The following IKZF2 variants were observed in gnomAD, a reference collection of about 807,000 sequenced individuals.
The protein encoded by IKZF2 is IKAROS family zinc finger 2, also known as zinc finger protein Helios.
In IKZF2, 15 loss-of-function variants were observed where a neutral mutation model predicts 49.2. The observed-to-expected ratio is 0.30, with a 90% CI of 0.20 to 0.47. The LOEUF is 0.47. Among genes scored for constraint, IKZF2 ranks in the 20% least tolerant of loss-of-function variants. IKZF2 has a pLI of 1.00. For synonymous variants in IKZF2, 227 were observed against 221.4 expected (o/e 1.03, Z -0.23); for missense variants, 567 against 664.6 (o/e 0.85, Z 1.61).
At chr2:213,099,503 C>G (rs1352765830) in intron 4 of IKZF2, among the ~76,000 whole-genome samples, 1 of 152,098 alleles carries the variant, frequency 6.6e-6, no homozygotes, top group Non-Finnish European at 1.5e-5. Flanking sequence ...GTGATGAAGC[C>G]TCATCTTACT....
At chr2:213,065,122 T>C (rs1261180398) in intron 4 of IKZF2, among the ~76,000 whole-genome samples, 3 of 152,070 alleles carry the variant, frequency 2.0e-5, no homozygotes, top group Non-Finnish European at 4.4e-5. Flanking sequence ...CTCTACTTAC[T>C]AGGTTTTTTT....
chr2:213,134,232 G>A (rs1456797242), intron 4 of IKZF2, among the ~76,000 whole-genome samples: 1 of 152,158 alleles, frequency 6.6e-6, no homozygotes, highest in Non-Finnish European at 1.5e-5. Context: ...CATCTCATCT[G>A]CTCAATATCA....
chr2:213,106,954 A>C (rs1014893773), intron 4 of IKZF2, among the ~76,000 whole-genome samples: 1 of 152,220 alleles, frequency 6.6e-6, no homozygotes, highest in Non-Finnish European at 1.5e-5. Context: ...GCCACCCATC[A>C]AGAAAGCCAT....
chr2:213,119,760 A>G (rs2059990609), intron 4 of IKZF2, among the ~76,000 whole-genome samples: 1 of 152,198 alleles, frequency 6.6e-6, no homozygotes, highest in South Asian at 2.1e-4. Flanking sequence ...ACCATCATAT[A>G]TGGATCCCTA....
chr2:213,061,261 A>T (rs1423927921), intron 4 of IKZF2, among the ~76,000 whole-genome samples: 4 of 151,570 alleles, frequency 2.6e-5, no homozygotes, highest in Non-Finnish European at 5.9e-5. Flanking sequence ...CATAATAGTG[A>T]ATGGACAGTT....
chr2:213,026,804 T>C (rs1031846244), intron 6 of IKZF2, among the ~76,000 whole-genome samples: 4 of 152,150 alleles, frequency 2.6e-5, no homozygotes, highest in African/African-American at 9.7e-5. Flanking sequence ...ATTTTGAACA[T>C]TTCCCCATTA....
At chr2:213,096,627 G>C (rs1407965120) in intron 4 of IKZF2, among the ~76,000 whole-genome samples, 1 of 151,892 alleles carries the variant, frequency 6.6e-6, no homozygotes. Context: ...TGTACCGAAA[G>C]TAATTTCCAA....
chr2:213,131,853 ACGT>A (rs1455017507), intron 4 of IKZF2, among the ~76,000 whole-genome samples: 1 of 152,182 alleles, frequency 6.6e-6, no homozygotes, highest in East Asian at 1.9e-4. Flanking sequence ...TAACTGAGAG[ACGT>A]CTCTAATGCA....
At chr2:213,122,628 T>TTTG (rs552333339) in intron 4 of IKZF2, among the ~76,000 whole-genome samples, 162 of 152,350 alleles carry the variant, frequency 1.1e-3, no homozygotes, top group African/African-American at 3.8e-3. Flanking sequence ...GTGACCTTGC[T>TTTG]GAAACACTCT....
intron 4 of IKZF2, among the ~76,000 whole-genome samples, chr2:213,086,232 G>A (rs2125604418): frequency 6.6e-6 from 1 of 152,222 alleles, no homozygotes; most frequent in East Asian, 1.9e-4. Context: ...CTCCATGTGA[G>A]CATGTAGAAT....
intron 8 of IKZF2, among the ~76,000 whole-genome samples, chr2:213,008,845 G>C (rs1056149090): frequency 1.3e-5 from 2 of 152,028 alleles, no homozygotes; most frequent in African/African-American, 4.8e-5. Flanking sequence ...GTAGGGTTAA[G>C]TTGGTTGATT....
At chr2:213,014,495 C>T (rs1398693934) in intron 7 of IKZF2, 1 of 152,188 alleles carries the variant, frequency 6.6e-6, no homozygotes, top group Non-Finnish European at 1.5e-5. Flanking sequence ...AGAGCCAATT[C>T]TGAACATGTC....
intron 4 of IKZF2, among the ~76,000 whole-genome samples, chr2:213,106,135 TTC>T (rs932393238): frequency 6.6e-6 from 1 of 152,164 alleles, no homozygotes; most frequent in Non-Finnish European, 1.5e-5. Flanking sequence ...GATTAGCTAT[TTC>T]TCTTTTTAAA....
At chr2:213,058,138 T>C (rs1297958108) in intron 4 of IKZF2, among the ~76,000 whole-genome samples, 1 of 152,138 alleles carries the variant, frequency 6.6e-6, no homozygotes, top group Admixed American at 6.6e-5. Context: ...ATTGCCGTTG[T>C]TTTCTTAGAG....
intron 4 of IKZF2, among the ~76,000 whole-genome samples, chr2:213,103,963 A>T (rs965205681): frequency 6.6e-6 from 1 of 152,204 alleles, no homozygotes. Flanking sequence ...ATGATCAATT[A>T]AAAAGATTTT....
At chr2:213,135,062 T>A (rs1202282012) in intron 4 of IKZF2, among the ~76,000 whole-genome samples, 2 of 152,192 alleles carry the variant, frequency 1.3e-5, no homozygotes, top group African/African-American at 4.8e-5. Context: ...CATACCAGAA[T>A]TGTCTTGCTA....
At chr2:213,084,435 C>A (rs1324412092) in intron 4 of IKZF2, among the ~76,000 whole-genome samples, 9 of 152,084 alleles carry the variant, frequency 5.9e-5, no homozygotes, top group African/African-American at 2.2e-4. Flanking sequence ...ATGTTAATTT[C>A]ATTCTTATGG....
intron 6 of IKZF2, among the ~76,000 whole-genome samples, chr2:213,047,834 G>A (rs1700301776): frequency 6.6e-6 from 1 of 151,752 alleles, no homozygotes; most frequent in African/African-American, 2.4e-5. Flanking sequence ...ATATAAGAAA[G>A]ACAGGACCAC....
intron 7 of IKZF2, 99 bp from the exon 8 acceptor site, chr2:213,014,033 G>A (rs1209495418): frequency 8.3e-6 from 9 of 1,088,134 alleles, no homozygotes; most frequent in African/African-American, 1.6e-5. Context: ...ATAAAAGCTA[G>A]TATGCTTCAG....
Sources: allele counts gnomAD v4.1 joint callset (sites outside exome capture counted in the v4.1 genomes callset), GRCh38; gene constraint gnomAD v4.1.1; transcripts MANE v1.5; gene names NCBI Gene and HGNC (gene_info 2026-07-23, HGNC 2026-07-21).